Variants in LHFPL3 observed in about 807,000 individuals in gnomAD.
LHFPL3 encodes LHFPL tetraspan subfamily member 3 protein.
Under a neutral mutation model 19.3 loss-of-function variants are expected in LHFPL3, and 5 were observed. That is an observed-to-expected ratio of 0.26 (90% CI 0.14 to 0.54). The LOEUF (loss-of-function observed/expected upper bound fraction) is 0.54. Ranked by LOEUF, LHFPL3 falls within the 20% of genes least tolerant of loss-of-function variation. LHFPL3 has a pLI of 0.94. For missense variants in LHFPL3, 249 were observed against 307.4 expected (o/e 0.81, Z 1.42); for synonymous variants, 133 against 126.2 (o/e 1.05, Z -0.36).
intron 1 of LHFPL3, among the ~76,000 whole-genome samples, chr7:104,726,102 G>A (rs1475829766): frequency 2.1e-5 from 3 of 142,106 alleles, no homozygotes; most frequent in Middle Eastern, 3.8e-3. Context: ...GTAATCTGTT[G>A]TCTAATCATA....
intron 2 of LHFPL3, among the ~76,000 whole-genome samples, chr7:104,879,952 G>A (rs1225701137): frequency 3.3e-5 from 5 of 152,166 alleles, no homozygotes; most frequent in Admixed American, 2.0e-4. Flanking sequence ...AGCTACTCAA[G>A]TGGCTGAATC....
At chr7:104,863,575 T>G (rs951996770) in intron 2 of LHFPL3, among the ~76,000 whole-genome samples, 13 of 152,216 alleles carry the variant, frequency 8.5e-5, no homozygotes, top group Non-Finnish European at 5.9e-5. Flanking sequence ...AATTGACATT[T>G]TCCTTTACAT....
Position 104,360,680 on chromosome 7 carries a change from T to TA in LHFPL3, c.445+31462dup, listed in dbSNP as rs567346215. Reference sequence around the variant, plus strand: ...TCCACAGTGAGTTGTTGGGTTTTTTTAAAAAAGTGCTTCCGTGTGTGTGTG... The same window carrying TA: ...TCCACAGTGAGTTGTTGGGTTTTTTTAAAAAAAGTGCTTCCGTGTGTGTGTG... On this transcript the variant is annotated intron_variant, in intron 1 of 2. Coordinates refer to ENST00000424859, the MANE Select transcript of LHFPL3 (RefSeq NM_199000.3). Among the ~76,000 whole-genome samples, 238 of 145,262 alleles carry TA rather than the reference T, an allele frequency of 1.6e-3. 2 individuals carry two copies. The highest frequency in any genetic ancestry group is 2.7e-3 in the Non-Finnish European group (180 of 66,174).
chr7:104,541,103 G>GACACACACACAC lies in LHFPL3; in HGVS notation c.446-195538_446-195527dup, dbSNP rs58831498. 4.0e-3 allele frequency among the ~76,000 whole-genome samples: 539 copies of GACACACACACAC among 134,606 alleles called. 4 individuals carry two copies. Among genetic ancestry groups the GACACACACACAC allele is most frequent in the Non-Finnish European group, 5.2e-3 (326 of 62,896 alleles). The allele number at this position is 134,606 out of a possible 152,430, so 88.3% of individuals were successfully genotyped here. On this transcript the variant is annotated intron_variant, in intron 1 of 2. Coordinates refer to ENST00000424859, the MANE Select transcript of LHFPL3 (RefSeq NM_199000.3). ...TTTTCCATATACACATCCTCCCCAT[G>GACACACACACAC]ACACACACACACACACACACACACA...
chr7:104,792,446 T>C (rs1243976717), intron 2 of LHFPL3, among the ~76,000 whole-genome samples: 2 of 152,224 alleles, frequency 1.3e-5, no homozygotes, highest in African/African-American at 2.4e-5. Flanking sequence ...CATGGCTACT[T>C]ATTTTAGTTC....
At chr7:104,385,126 T>C (rs773673964) in intron 1 of LHFPL3, among the ~76,000 whole-genome samples, 5 of 152,138 alleles carry the variant, frequency 3.3e-5, no homozygotes, top group African/African-American at 1.2e-4. Flanking sequence ...TTTCATTATA[T>C]CTAGGGTCCT....
rs543708679 is a variant in LHFPL3, at chr7:104,660,688, T to G, written c.446-75987T>G. Among the ~76,000 whole-genome samples the G allele has an allele frequency of 2.0e-5, 3 of 152,238 alleles. No homozygotes were observed. The South Asian group carries it at 6.2e-4, about 32-fold the overall frequency. ...GCAATGTCATTTAGATTATCTTGAC[T>G]TCTGTCTTTGCCTTGAAGGTTATAT... On this transcript the variant is annotated intron_variant, in intron 1 of 2. Coordinates refer to ENST00000424859, the MANE Select transcript of LHFPL3 (RefSeq NM_199000.3).
chr7:104,352,908 G>A (rs780010180), intron 1 of LHFPL3, among the ~76,000 whole-genome samples: 1 of 152,138 alleles, frequency 6.6e-6, no homozygotes, highest in Non-Finnish European at 1.5e-5. Flanking sequence ...TTTAAAAACA[G>A]TCTAGAAAAA....
chr7:104,782,356 T>C (rs1170404752), intron 2 of LHFPL3, among the ~76,000 whole-genome samples: 1 of 152,220 alleles, frequency 6.6e-6, no homozygotes, highest in East Asian at 1.9e-4. Flanking sequence ...TGACACATCA[T>C]TACTTCCGCC....
chr7:104,594,702 A>G (rs1347118342), intron 1 of LHFPL3, among the ~76,000 whole-genome samples: 1 of 152,198 alleles, frequency 6.6e-6, no homozygotes, highest in East Asian at 1.9e-4. Context: ...GTCTTTTCAC[A>G]TAGTCCAATA....
intron 1 of LHFPL3, among the ~76,000 whole-genome samples, chr7:104,329,559 G>A (rs1207895829): frequency 6.6e-6 from 1 of 152,240 alleles, no homozygotes; most frequent in Non-Finnish European, 1.5e-5. Context: ...TAGAGAGATG[G>A]GGCCGGGGTT....
intron 1 of LHFPL3, among the ~76,000 whole-genome samples, chr7:104,422,380 C>G (rs1791750845): frequency 6.6e-6 from 1 of 152,194 alleles, no homozygotes; most frequent in East Asian, 1.9e-4. Context: ...ACAACAACAA[C>G]AAGAACAAAT....
chr7:104,381,124 T>G (rs1790820085), intron 1 of LHFPL3, among the ~76,000 whole-genome samples: 1 of 152,166 alleles, frequency 6.6e-6, no homozygotes, highest in Admixed American at 6.5e-5. Context: ...ACATAGAGCA[T>G]GATGACAAAA....
chr7:104,590,100 G>A (rs1290999689), intron 1 of LHFPL3, among the ~76,000 whole-genome samples: 1 of 152,014 alleles, frequency 6.6e-6, no homozygotes, highest in African/African-American at 2.4e-5. Context: ...GGTTTTTTGT[G>A]TCTCTATCTC....
intron 1 of LHFPL3, among the ~76,000 whole-genome samples, chr7:104,363,428 G>C (rs899270537): frequency 6.6e-6 from 1 of 152,226 alleles, no homozygotes; most frequent in Non-Finnish European, 1.5e-5. Context: ...CTGCAGTAAC[G>C]GAGAATTCCT....
intron 2 of LHFPL3, among the ~76,000 whole-genome samples, chr7:104,836,530 T>C (rs1347486750): frequency 2.0e-5 from 3 of 152,206 alleles, no homozygotes; most frequent in Non-Finnish European, 2.9e-5. Flanking sequence ...ACTGTTCTTT[T>C]ACCATTTGTG....
At chr7:104,820,467 A>C (rs1790654772) in intron 2 of LHFPL3, among the ~76,000 whole-genome samples, 1 of 152,182 alleles carries the variant, frequency 6.6e-6, no homozygotes, top group East Asian at 1.9e-4. Flanking sequence ...TATGTTGGCA[A>C]GGGTTGCAGG....
rs1251476080 is a variant in LHFPL3 at position 104,345,405 on chromosome 7, C to T, written c.445+16181C>T. ...CTTCTGTTTTCTTTGGGTTTAGTCT[C>T]TTGTTCTTTTTCTAACTTTTTAATT... On this transcript the variant is annotated intron_variant, in intron 1 of 2. Transcript: ENST00000424859. 3.3e-5 allele frequency among the ~76,000 whole-genome samples: 5 copies of T among 152,034 alleles called. No individual in the cohort carries two copies. The South Asian group carries it at 1.0e-3, about 31-fold the overall frequency.
At chr7:104,832,209 C>T (rs547580762) in intron 2 of LHFPL3, among the ~76,000 whole-genome samples, 1 of 152,134 alleles carries the variant, frequency 6.6e-6, no homozygotes, top group East Asian at 1.9e-4. Flanking sequence ...GGATAATTGT[C>T]ATTGTCCCTT....
Sources: allele counts gnomAD v4.1 joint callset (sites outside exome capture counted in the v4.1 genomes callset), GRCh38; gene constraint gnomAD v4.1.1; transcripts MANE v1.5; gene names NCBI Gene and HGNC (gene_info 2026-07-23, HGNC 2026-07-21).